ROBO2: variants seen among roughly 807,000 people sequenced by gnomAD.
The protein encoded by ROBO2 is roundabout guidance receptor 2.
In ROBO2, 53 loss-of-function variants were observed where a neutral mutation model predicts 160.8. The observed-to-expected ratio is 0.33, with a 90% confidence interval of 0.26 to 0.41. The LOEUF is 0.41. Among genes scored for constraint, ROBO2 ranks in the 10% least tolerant of loss-of-function variants. ROBO2 has a pLI of 1.00. For missense variants in ROBO2, 1,577 were observed against 1,722.4 expected (o/e 0.92, Z 1.49); for synonymous variants, 664 against 611.7 (o/e 1.09, Z -1.26).
chr3:77,285,074 G>C (rs538641832), intron 2 of ROBO2, among the ~76,000 whole-genome samples: 15 of 152,242 alleles, frequency 9.9e-5, no homozygotes, highest in African/African-American at 3.6e-4. Flanking sequence ...TTTATATAAA[G>C]TTCTACACCT....
At chr3:76,860,634 C>T (rs2070667238) in intron 2 of ROBO2, among the ~76,000 whole-genome samples, 1 of 152,140 alleles carries the variant, frequency 6.6e-6, no homozygotes, top group Non-Finnish European at 1.5e-5. Flanking sequence ...GACCTATCCT[C>T]GTCATTGTCT....
intron 2 of ROBO2, among the ~76,000 whole-genome samples, chr3:77,124,295 G>C (rs901393577): frequency 6.6e-6 from 1 of 152,138 alleles, no homozygotes; most frequent in African/African-American, 2.4e-5. Context: ...AATTGGAAGA[G>C]AGGAAAATGG....
chr3:77,042,407 A>G (rs2064190459), intron 1 of ROBO2, among the ~76,000 whole-genome samples: 1 of 152,234 alleles, frequency 6.6e-6, no homozygotes, highest in Non-Finnish European at 1.5e-5. Flanking sequence ...GTCCTCATAA[A>G]TCATGAATTT....
At chr3:77,615,356 A>G (rs965946097) in intron 21 of ROBO2, among the ~76,000 whole-genome samples, 3 of 152,106 alleles carry the variant, frequency 2.0e-5, no homozygotes, top group African/African-American at 7.2e-5. Context: ...ATCATCACCT[A>G]GAGTCCATAG....
At chr3:76,735,336 A>G (rs984559296) in intron 2 of ROBO2, among the ~76,000 whole-genome samples, 1 of 152,184 alleles carries the variant, frequency 6.6e-6, no homozygotes, top group African/African-American at 2.4e-5. Context: ...AAACTCAGAA[A>G]TGGAAAATCA....
intron 2 of ROBO2, among the ~76,000 whole-genome samples, chr3:76,986,343 T>C (rs2060379282): frequency 6.6e-6 from 1 of 152,274 alleles, no homozygotes; most frequent in East Asian, 1.9e-4. Flanking sequence ...TATTACTGCT[T>C]TTAAGATGTA....
At chr3:75,983,759 TA>T (rs2065341377) in intron 2 of ROBO2, among the ~76,000 whole-genome samples, 1 of 151,458 alleles carries the variant, frequency 6.6e-6, no homozygotes, top group South Asian at 2.1e-4. Context: ...TGAAGTCTGC[TA>T]ATTTAAATAG....
chr3:76,457,472 G>C (rs2077827753), intron 2 of ROBO2, among the ~76,000 whole-genome samples: 2 of 152,174 alleles, frequency 1.3e-5, no homozygotes, highest in Admixed American at 1.3e-4. Context: ...GCTTTGCAGG[G>C]TGCAGCCTCC....
intron 2 of ROBO2, among the ~76,000 whole-genome samples, chr3:76,928,617 C>T (rs1020220997): frequency 2.6e-5 from 4 of 151,906 alleles, no homozygotes; most frequent in Non-Finnish European, 4.4e-5. Context: ...CCATATTGTC[C>T]GACTCCATCC....
At chr3:76,649,639 A>T (rs950886537) in intron 2 of ROBO2, among the ~76,000 whole-genome samples, 2 of 152,154 alleles carry the variant, frequency 1.3e-5, no homozygotes, top group African/African-American at 4.8e-5. Context: ...ATATGGAGAG[A>T]TGTTTAGAAA....
chr3:77,565,901 AAT>A (rs1476635296), intron 12 of ROBO2, among the ~76,000 whole-genome samples: 1 of 152,136 alleles, frequency 6.6e-6, no homozygotes, highest in African/African-American at 2.4e-5. Flanking sequence ...TCTGAGGTTT[AAT>A]ATACAATGCT....
chr3:77,462,246 G>T (rs938759635), intron 2 of ROBO2, among the ~76,000 whole-genome samples: 30 of 152,044 alleles, frequency 2.0e-4, no homozygotes, highest in Non-Finnish European at 4.3e-4. Flanking sequence ...GGCACTGAAA[G>T]GACCTAAGTC....
Position 76,132,400 on chromosome 3 carries a change from G to A in ROBO2, c.109+194798G>A, listed in dbSNP as rs865879702. Among the ~76,000 whole-genome samples the A allele has an allele frequency of 7.9e-3, 1,054 of 132,886 alleles. 54 individuals carry two copies. The highest frequency in any genetic ancestry group is 0.032 in the Admixed American group (432 of 13,400). The allele number at this position is 132,886 out of a possible 152,430, so 87.2% of individuals were successfully genotyped here. On this transcript the variant is annotated intron_variant, in intron 2 of 26. Transcript: ENST00000487694. ...TGCCCAAATTCCAGACTGTTGGGGG[G>A]GGGGGGGGACGCAGATGTTCAGCAT...
In ROBO2 at chr3:76,539,193, G is replaced by A. The variant is rs528969201; in HGVS notation, c.110-558821G>A. 6.6e-4 allele frequency among the ~76,000 whole-genome samples: 101 copies of A among 152,084 alleles called. 1 individual carries two copies. In the South Asian group the frequency reaches 0.012, roughly 19 times the overall value. On this transcript the variant is annotated intron_variant, in intron 2 of 26. Coordinates refer to the ROBO2 transcript ENST00000487694. ...GGAACATCACACACTGGGGCCTGTC[G>A]GGGGATGAGAGGAAAGGGGAGGGAG...
intron 2 of ROBO2, among the ~76,000 whole-genome samples, chr3:76,557,604 C>CTTTTTTT (rs58555009): frequency 1.5e-5 from 2 of 130,368 alleles, no homozygotes; most frequent in African/African-American, 5.7e-5. Flanking sequence ...TAAAGGGTGC[C>CTTTTTTT]TTTTTTTTTT....
At chr3:77,366,950 A>G (rs2070995303) in intron 2 of ROBO2, among the ~76,000 whole-genome samples, 1 of 148,790 alleles carries the variant, frequency 6.7e-6, no homozygotes, top group African/African-American at 2.5e-5. Flanking sequence ...GACCACCTCC[A>G]TTAGGCCCCA....
chr3:76,739,270 C>A (rs2093763030), intron 2 of ROBO2, among the ~76,000 whole-genome samples: 1 of 152,024 alleles, frequency 6.6e-6, no homozygotes, highest in African/African-American at 2.4e-5. Flanking sequence ...GAAAATGTGG[C>A]ACATTTACAG....
intron 2 of ROBO2, among the ~76,000 whole-genome samples, chr3:76,499,414 A>T (rs1030730651): frequency 2.6e-5 from 4 of 152,178 alleles, no homozygotes; most frequent in African/African-American, 9.6e-5. Flanking sequence ...TTGCTTCTCT[A>T]TCCCAATGTC....
chr3:77,163,956 T>A (rs1216259615), intron 2 of ROBO2, among the ~76,000 whole-genome samples: 1 of 152,202 alleles, frequency 6.6e-6, no homozygotes, highest in Admixed American at 6.5e-5. Context: ...GTTCTTAAGT[T>A]GTAATTATGT....
Sources: allele counts gnomAD v4.1 joint callset (sites outside exome capture counted in the v4.1 genomes callset), GRCh38; gene constraint gnomAD v4.1.1; transcripts MANE v1.5; gene names NCBI Gene and HGNC (gene_info 2026-07-23, HGNC 2026-07-21).